Variants in GAREM1 observed in about 807,000 individuals in gnomAD.
GAREM1 encodes the protein GRB2-associated and regulator of MAPK protein 1.
In GAREM1, 26 loss-of-function variants were observed where a neutral mutation model predicts 71.3. The observed-to-expected ratio is 0.36, with a 90% CI of 0.27 to 0.51. The LOEUF (loss-of-function observed/expected upper bound fraction) is 0.51. Among genes scored for constraint, GAREM1 ranks in the 20% least tolerant of loss-of-function variants. The pLI is 0.95. For missense variants in GAREM1, 1,026 were observed against 1,103.1 expected (o/e 0.93, Z 0.99); for synonymous variants, 440 against 433.2 (o/e 1.02, Z -0.20).
chr18:32,421,751 G>A (rs144233290), intron 1 of GAREM1, among the ~76,000 whole-genome samples: 151 of 152,160 alleles, frequency 9.9e-4, no homozygotes, highest in African/African-American at 3.5e-3. Flanking sequence ...AGTCTCCTCT[G>A]TCATATTTGC....
intron 1 of GAREM1, among the ~76,000 whole-genome samples, chr18:32,465,455 C>A (rs1298149852): frequency 6.6e-6 from 1 of 152,068 alleles, no homozygotes; most frequent in African/African-American, 2.4e-5. Flanking sequence ...AAAGTAAGGA[C>A]CAAATTTCCC....
At chr18:32,270,148 G>A (rs2041436105) in intron 5 of GAREM1, 69 bp downstream of exon 5, 2 of 1,495,242 alleles carry the variant, frequency 1.3e-6, no homozygotes, top group Non-Finnish European at 1.8e-6. Context: ...CCGTGAAAAT[G>A]CTTTCAAGAA....
chr18:32,405,355 T>C (rs1396647145), intron 1 of GAREM1, among the ~76,000 whole-genome samples: 2 of 147,112 alleles, frequency 1.4e-5, no homozygotes, highest in African/African-American at 5.2e-5. Flanking sequence ...TGCACCACCA[T>C]GCTGGCTAAT....
chr18:32,328,606 T>G (rs1265183011), intron 2 of GAREM1, among the ~76,000 whole-genome samples: 1 of 152,180 alleles, frequency 6.6e-6, no homozygotes, highest in Non-Finnish European at 1.5e-5. Flanking sequence ...TAAATGACGT[T>G]AGAGAGGGTT....
At position 32,457,537 on chromosome 18, in the gene GAREM1, GA is replaced by G. The variant is rs914408923; in HGVS notation, c.121+12770del. Reference sequence around the variant, plus strand: ...AGTATCTTCCCAATTGAGTCAAGGGGAAAAAAAAGAAACAGAAGATGGGGGA... The same window carrying G: ...AGTATCTTCCCAATTGAGTCAAGGGGAAAAAAAGAAACAGAAGATGGGGGA... On this transcript the variant is annotated intron_variant, in intron 1 of 5. Coordinates refer to ENST00000269209, the MANE Select transcript of GAREM1 (RefSeq NM_001242409.2). 1.6e-3 allele frequency among the ~76,000 whole-genome samples: 248 copies of G among 151,444 alleles called. 2 individuals carry two copies. Among genetic ancestry groups the G allele is most frequent in the African/African-American group, 5.7e-3 (237 of 41,318 alleles).
chr18:32,428,692 T>C (rs553888449), intron 1 of GAREM1, among the ~76,000 whole-genome samples: 60 of 152,314 alleles, frequency 3.9e-4, no homozygotes, highest in Non-Finnish European at 5.4e-4. Flanking sequence ...TATTTCTTTA[T>C]AGAAATGCAA....
rs35803922 is a variant in GAREM1 at position 32,336,429 on chromosome 18, C to CAAAA, written c.263-26110_263-26107dup. On this transcript the variant is annotated intron_variant, in intron 2 of 5. Transcript: ENST00000269209. ...TGGGCAACAGAGCGAGACTCCGTCT[C>CAAAA]AAAAAAAAAAAAAAAAAAAAATCAT... is the stretch of plus-strand genomic sequence containing the variant. Among the ~76,000 whole-genome samples the CAAAA allele has an allele frequency of 4.1e-5, 3 of 72,848 alleles. No homozygotes were observed. In the East Asian group the frequency reaches 1.4e-3, roughly 35 times the overall value. The allele number at this position is 72,848 out of a possible 152,430, so 47.8% of individuals were successfully genotyped here.
chr18:32,430,075 C>A (rs770957059), intron 1 of GAREM1, among the ~76,000 whole-genome samples: 16 of 152,266 alleles, frequency 1.1e-4, no homozygotes, highest in Non-Finnish European at 1.9e-4. Context: ...AGAGTTGTTG[C>A]TCAGTGGGAT....
At chr18:32,337,522 G>A (rs1381405797) in intron 2 of GAREM1, among the ~76,000 whole-genome samples, 2 of 152,230 alleles carry the variant, frequency 1.3e-5, no homozygotes, top group South Asian at 2.1e-4. Flanking sequence ...ACTGCTGCCT[G>A]AGGCTTACGG....
At position 32,323,843 on chromosome 18, in the gene GAREM1, CTT is replaced by C. The variant is rs1274476625; in HGVS notation, c.263-13522_263-13521del. ...AAAATTAAGAGCAGCAAAAATTAAA[CTT>C]TAATTTTTACTCACAGAATTTTCAG... is the stretch of plus-strand genomic sequence containing the variant. On this transcript the variant is annotated intron_variant, in intron 2 of 5. Coordinates refer to ENST00000269209, the MANE Select transcript of GAREM1 (RefSeq NM_001242409.2). 8.6e-5 allele frequency among the ~76,000 whole-genome samples: 13 copies of C among 151,838 alleles called. No individual in the cohort carries two copies. The East Asian group carries it at 2.5e-3, about 29-fold the overall frequency.
At chr18:32,368,511 T>C (rs2047946764) in intron 2 of GAREM1, among the ~76,000 whole-genome samples, 1 of 152,202 alleles carries the variant, frequency 6.6e-6, no homozygotes, top group Non-Finnish European at 1.5e-5. Flanking sequence ...GTTCAAGATT[T>C]CTTCAGTTGG....
At position 32,393,947 on chromosome 18, in the gene GAREM1, T is replaced by C. The variant is rs531027002; in HGVS notation, c.122-912A>G. ...TTATTTTGACACTATATTACAGTAA[T>C]TAAGTTATTAGTGATTTAACTGTGT... On this transcript the variant is annotated intron_variant, in intron 1 of 5. Coordinates refer to ENST00000269209, the MANE Select transcript of GAREM1 (RefSeq NM_001242409.2). 2.6e-5 allele frequency among the ~76,000 whole-genome samples: 4 copies of C among 152,332 alleles called. No individual in the cohort carries two copies. The South Asian group carries it at 8.3e-4, about 32-fold the overall frequency.
At position 32,287,187 on chromosome 18, in the gene GAREM1, G is replaced by A. The variant is rs760730318; in HGVS notation, c.1410C>T (p.Arg470=). ...CACATCTGTTCTTCTCGCTCAGAGA[G>A]CGAGTGAGAGGCTGATGGCTGGGCT... is the stretch of plus-strand genomic sequence containing the variant. ...EGKPSHQPLT[R]SLSEKNRCDQ... is the part of the protein sequence containing the mutation. Residue 470 remains arginine (R), a synonymous_variant, in exon 4 of 6, where the codon CGC becomes CGT. Coordinates refer to ENST00000269209, the MANE Select transcript of GAREM1 (RefSeq NM_001242409.2). This position sits in a 1 kb window ranked among gnomAD's most constrained non-coding sequence, Gnocchi z 5.9. 1 of 1,614,242 alleles carries A rather than the reference G, an allele frequency of 6.2e-7. No individual in the cohort carries two copies. The highest frequency in any genetic ancestry group is 8.5e-7 in the Non-Finnish European group (1 of 1,180,046).
chr18:32,331,293 A>G (rs1315824572), intron 2 of GAREM1, among the ~76,000 whole-genome samples: 1 of 152,208 alleles, frequency 6.6e-6, no homozygotes, highest in East Asian at 1.9e-4. Flanking sequence ...AGAGTTTAAC[A>G]TTTCTCTACA....
chr18:32,409,506 T>C (rs1479225056), intron 1 of GAREM1, among the ~76,000 whole-genome samples: 4 of 152,010 alleles, frequency 2.6e-5, no homozygotes, highest in Admixed American at 6.6e-5. Context: ...GACAAAGCAA[T>C]ATGTGGTAAT....
At chr18:32,354,527 A>G (rs2047786008) in intron 2 of GAREM1, among the ~76,000 whole-genome samples, 1 of 152,186 alleles carries the variant, frequency 6.6e-6, no homozygotes, top group Non-Finnish European at 1.5e-5. Context: ...TACAAATTTA[A>G]AATTTGAACA....
intron 2 of GAREM1, among the ~76,000 whole-genome samples, chr18:32,374,996 C>G (rs1017337340): frequency 2.0e-5 from 3 of 152,096 alleles, no homozygotes; most frequent in Non-Finnish European, 4.4e-5. Flanking sequence ...CATCTACTTT[C>G]TCCTAAAGAA....
intron 1 of GAREM1, chr18:32,412,211 T>C: frequency 6.4e-7 from 1 of 1,566,758 alleles, no homozygotes; most frequent in Non-Finnish European, 8.7e-7. Flanking sequence ...CTTTGTTTCC[T>C]AATTAAAATC....
intron 2 of GAREM1, among the ~76,000 whole-genome samples, chr18:32,362,996 TTCA>T: frequency 6.6e-6 from 1 of 152,206 alleles, no homozygotes; most frequent in African/African-American, 2.4e-5. Context: ...TCCGAATTCA[TTCA>T]TCAAGTTTGC....
Sources: allele counts gnomAD v4.1 joint callset (sites outside exome capture counted in the v4.1 genomes callset), GRCh38; gene constraint gnomAD v4.1.1; non-coding constraint Gnocchi (gnomAD v3.1); transcripts MANE v1.5; gene names NCBI Gene and HGNC (gene_info 2026-07-23, HGNC 2026-07-21).